Variants in CA5B observed in about 807,000 individuals in gnomAD.
CA5B encodes carbonic anhydrase 5B, mitochondrial.
In CA5B, 15 loss-of-function variants were observed where a neutral mutation model predicts 23.1. The ratio of observed to expected loss-of-function variants is 0.65; its 90% CI spans 0.43 to 1.00. CA5B has a LOEUF of 1.00. CA5B is among the 50% of genes least tolerant of loss of function. The probability of loss-of-function intolerance (pLI) is 0.00; values close to 1 mark genes in which losing one functional copy is unlikely to be tolerated. For missense variants in CA5B, 236 were observed against 252.2 expected (o/e 0.94, Z 0.43); for synonymous variants, 84 against 98.5 (o/e 0.85, Z 0.87).
intron 1 of CA5B, among the ~76,000 whole-genome samples, chrX:15,741,472 G>A (rs775175387): frequency 1.2e-4 from 13 of 108,505 alleles, no homozygotes; most frequent in African/African-American, 4.0e-4. Context: ...AGGTTTGTGG[G>A]GGATTTTGTT....
At chrX:15,759,062 C>A (rs965114168) in intron 2 of CA5B, among the ~76,000 whole-genome samples, 1 of 111,380 alleles carries the variant, frequency 9.0e-6, no homozygotes, top group Non-Finnish European at 1.9e-5. Context: ...AGCCAGAGGT[C>A]ACTTTGTCAA....
At chrX:15,762,306 A>G (rs1368144068) in intron 2 of CA5B, among the ~76,000 whole-genome samples, 1 of 110,878 alleles carries the variant, frequency 9.0e-6, no homozygotes, top group Non-Finnish European at 1.9e-5. Flanking sequence ...GCTTTCAGCA[A>G]TTACCGAAGG....
chrX:15,783,245 A>G lies in CA5B; in HGVS notation c.*581A>G, dbSNP rs1459133993. The G allele has an allele frequency of 8.9e-6, 1 of 112,153 alleles. No homozygotes were observed. The highest frequency in any genetic ancestry group is 1.9e-5 in the Non-Finnish European group (1 of 53,262). The allele number at this position is 112,153 out of a possible 1,213,427, so 9.2% of individuals were successfully genotyped here. ...CTGGCTGAATATTGGCCATGGTTTT[A>G]GATGTATTTTATTTTATAACATGAA... is the stretch of plus-strand genomic sequence containing the variant. On this transcript the variant is annotated 3_prime_UTR_variant, in exon 8 of 8. Coordinates refer to ENST00000318636, the MANE Select transcript of CA5B (RefSeq NM_007220.4).
At chrX:15,745,312 C>G (rs1038576897) in intron 1 of CA5B, among the ~76,000 whole-genome samples, 29 of 111,175 alleles carry the variant, frequency 2.6e-4, no homozygotes, top group African/African-American at 7.9e-4. Flanking sequence ...AATAAATACA[C>G]AGAGACAAAG....
intron 3 of CA5B, 146 bp from the exon 4 acceptor site, chrX:15,772,350 A>G (rs1333381207): frequency 2.5e-6 from 1 of 394,653 alleles, no homozygotes; most frequent in African/African-American, 2.5e-5. Context: ...CTTCATGAAA[A>G]TCAAATTTAT....
Position 15,761,721 on chromosome X carries a change from C to CG in CA5B, c.143-2851dup, listed in dbSNP as rs199792369. 4.7e-3 allele frequency among the ~76,000 whole-genome samples: 526 copies of CG among 110,888 alleles called. 4 individuals are homozygous for CG. The highest frequency in any genetic ancestry group is 7.6e-3 in the Non-Finnish European group (404 of 52,875). The stretch of plus-strand genomic sequence containing the variant: ...GGGTCAGGATGCTTCTTTGTCTTGT[C>CG]GGGGGGAGCCCATCCAGGGCATTAT... On this transcript the variant is annotated intron_variant, in intron 2 of 7. Coordinates refer to ENST00000318636, the MANE Select transcript of CA5B (RefSeq NM_007220.4).
At chrX:15,766,967 C>T in intron 3 of CA5B, 1 of 390,771 alleles carries the variant, frequency 2.6e-6, no homozygotes, top group Non-Finnish European at 4.4e-6. Flanking sequence ...ATACGGATTC[C>T]AGAAATCTTC....
chrX:15,763,587 G>A (rs1322726350), intron 2 of CA5B, among the ~76,000 whole-genome samples: 1 of 112,058 alleles, frequency 8.9e-6, no homozygotes, highest in East Asian at 2.8e-4. Flanking sequence ...CTACTTTTGT[G>A]TATCCATTAA....
In CA5B at chrX:15,783,092, A is replaced by C. The variant is rs1932053884; in HGVS notation, c.*428A>C. 8.2e-6 allele frequency: 1 copy of C among 122,219 alleles called. No individual in the cohort carries two copies. The highest frequency in any genetic ancestry group is 8.5e-5 in the Admixed American group (1 of 11,796). 10.1% of individuals were successfully genotyped at this position (122,219 alleles called of 1,213,427 possible). On this transcript the variant is annotated 3_prime_UTR_variant, in exon 8 of 8. Coordinates refer to ENST00000318636, the MANE Select transcript of CA5B (RefSeq NM_007220.4). ...ATTTTTGAGCTATCTTTTTATGTTT[A>C]TCCATTAGTGGTTCTATAGCACTAT...
intron 4 of CA5B, among the ~76,000 whole-genome samples, chrX:15,773,324 A>G (rs756250005): frequency 1.8e-5 from 2 of 109,562 alleles, no homozygotes; most frequent in Non-Finnish European, 3.8e-5. Flanking sequence ...CAGTGGCACA[A>G]TCACGGTTCA....
intron 3 of CA5B, chrX:15,765,319 G>A (rs1376087330): frequency 5.6e-6 from 2 of 357,521 alleles, no homozygotes; most frequent in African/African-American, 5.6e-5. Flanking sequence ...TAGTTTAAAA[G>A]AAACACAATT....
chrX:15,782,795 G>T lies in CA5B; in HGVS notation c.*131G>T. 1 of 484,184 alleles carries T rather than the reference G, an allele frequency of 2.1e-6. No homozygotes were observed. The highest frequency in any genetic ancestry group is 4.7e-5 in the South Asian group (1 of 21,105). 39.9% of individuals were successfully genotyped at this position (484,184 alleles called of 1,213,427 possible). On this transcript the variant is annotated 3_prime_UTR_variant, in exon 8 of 8. Coordinates refer to ENST00000318636, the MANE Select transcript of CA5B (RefSeq NM_007220.4). ...GATGTGCATTTCTTAGCATGAGAGTGCTTCATCAGTCTTTGAGGAAGGCTA... is the reference window on the plus strand; with the variant it reads ...GATGTGCATTTCTTAGCATGAGAGTTCTTCATCAGTCTTTGAGGAAGGCTA...
chrX:15,751,904 C>G (rs1295401387), intron 2 of CA5B, among the ~76,000 whole-genome samples: 1 of 111,629 alleles, frequency 9.0e-6, no homozygotes, highest in Non-Finnish European at 1.9e-5. Flanking sequence ...CAGCTCAATA[C>G]CCCAACAGAA....
chrX:15,775,465 G>A, intron 6 of CA5B, 157 bp downstream of exon 6: 1 of 994,175 alleles, frequency 1.0e-6, no homozygotes, highest in Non-Finnish European at 1.3e-6. Flanking sequence ...GGGGACAGAA[G>A]TCATCATTCT....
At chrX:15,752,492 G>C (rs999055589) in intron 2 of CA5B, among the ~76,000 whole-genome samples, 1 of 111,672 alleles carries the variant, frequency 9.0e-6, no homozygotes, top group South Asian at 3.7e-4. Flanking sequence ...TTGCGAGGCC[G>C]AGGCGGGCGG....
In CA5B at chrX:15,764,605, T is replaced by C; in HGVS notation, c.170T>C (p.Leu57Pro). The change falls in exon 3 of 8, where the codon CTG (leucine) becomes CCG (proline). Residue 57 changes from leucine to proline, a missense_variant. Physicochemically the swap from Leu to Pro is moderately conservative, Grantham distance 98. Transcript: ENST00000318636. ...ALHPLWESVD[L>P]VPGGDRQSPI... ...CATCCACTCTGGGAGAGCGTGGACC[T>C]GGTTCCTGGGGGCGATCGCCAGTCA... is the stretch of plus-strand genomic sequence containing the variant. 1 of 1,199,967 alleles carries C rather than the reference T, an allele frequency of 8.3e-7. No individual in the cohort carries two copies. The highest frequency in any genetic ancestry group is 1.1e-6 in the Non-Finnish European group (1 of 890,741).
intron 2 of CA5B, among the ~76,000 whole-genome samples, chrX:15,755,557 A>G (rs1305487512): frequency 8.9e-6 from 1 of 112,586 alleles, no homozygotes; most frequent in East Asian, 2.8e-4. Flanking sequence ...AAGGGACCAG[A>G]TAAAAAGCAC....
chrX:15,776,857 T>G lies in CA5B; in HGVS notation c.762T>G (p.Val254=). 1 of 1,207,523 alleles carries G rather than the reference T, an allele frequency of 8.3e-7. No homozygotes were observed. Among genetic ancestry groups the G allele is most frequent in the Non-Finnish European group, 1.1e-6 (1 of 891,939 alleles). ...TWIIKKQPVE[V]DHDQLEQFRT... is the part of the protein sequence containing the mutation. ...TCATTAAGAAGCAACCAGTAGAGGT[T>G]GATCATGATCAGGTATGTTCTCTCC... Residue 254 remains valine (V), a synonymous_variant, in exon 7 of 8, where the codon GTT becomes GTG. Transcript: ENST00000318636.
chrX:15,745,183 A>AAAAAAAAAAAAAAAAAAAAG (rs1555992328), intron 1 of CA5B, among the ~76,000 whole-genome samples: 36 of 86,764 alleles, frequency 4.1e-4, no homozygotes, highest in Non-Finnish European at 6.1e-4. Context: ...AAAAAAAAAA[A>AAAAAAAAAAAAAAAAAAAAG]AAAAGAAAAG....
Sources: allele counts gnomAD v4.1 joint callset (sites outside exome capture counted in the v4.1 genomes callset), GRCh38; gene constraint gnomAD v4.1.1; transcripts MANE v1.5; gene names NCBI Gene and HGNC (gene_info 2026-07-23, HGNC 2026-07-21).